TMEM100: variants seen among roughly 807,000 people sequenced by gnomAD.
The protein encoded by TMEM100 is transmembrane protein 100.
For synonymous variants in TMEM100, 61 were observed against 67.1 expected, an observed-to-expected ratio of 0.91 and a Z score of 0.44; for missense variants, 137 against 168.2, an observed-to-expected ratio of 0.81 and a Z score of 1.02.
At chr17:55,728,065 C>T (rs1909115490) in intron 1 of TMEM100, 1 of 152,194 alleles carries the variant, frequency 6.6e-6, no homozygotes, top group African/African-American at 2.4e-5. Flanking sequence ...AGAACCTGGG[C>T]TCCTTCCTTC....
chr17:55,720,983 C>G lies in TMEM100; in HGVS notation c.88G>C (p.Val30Leu). The change falls in exon 2 of 2, where the codon GTG becomes CTG. Residue 30 changes from valine (V) to leucine (L), a missense_variant. Coordinates refer to ENST00000424486, the MANE Select transcript of TMEM100 (RefSeq NM_018286.3). ...TMEKSPKSEV[V>L]ITTVPLVSEI... ...CTGACCAGAGGGACTGTGGTGATCACAACTTCACTCTTGGGGCTCTTCTCC... is the reference window on the plus strand; with the variant it reads ...CTGACCAGAGGGACTGTGGTGATCAGAACTTCACTCTTGGGGCTCTTCTCC... 1 of 1,614,210 alleles carries G rather than the reference C, an allele frequency of 6.2e-7. No individual in the cohort carries two copies. The highest frequency in any genetic ancestry group is 8.5e-7 in the Non-Finnish European group (1 of 1,180,048).
intron 1 of TMEM100, chr17:55,721,527 C>G (rs1489225301): frequency 6.4e-6 from 1 of 155,666 alleles, no homozygotes; most frequent in African/African-American, 2.4e-5. Context: ...AATCCCAGAA[C>G]TTACAGCAAC....
At chr17:55,731,070 C>G (rs1909194455) in intron 1 of TMEM100, among the ~76,000 whole-genome samples, 1 of 152,206 alleles carries the variant, frequency 6.6e-6, no homozygotes, top group Non-Finnish European at 1.5e-5. Flanking sequence ...TGAATTCCAG[C>G]TGTACATTTG....
Position 55,720,675 on chromosome 17 carries a change from C to G in TMEM100, c.396G>C (p.Leu132Phe), listed in dbSNP as rs773608196. The change falls in exon 2 of 2, where the codon TTG (leucine) becomes TTC (phenylalanine). Residue 132 changes from leucine (L) to phenylalanine (F), a missense_variant. Physicochemically the swap from Leu to Phe is conservative, Grantham distance 22. Coordinates refer to ENST00000424486, the MANE Select transcript of TMEM100 (RefSeq NM_018286.3). The stretch of plus-strand genomic sequence containing the variant: ...TTGGTCGTATTCAGTCTCAAGCAAA[C>G]AAGCTTCTCTGATTTGCCACGAGAG... ...QTALVANQRS[L>F]FA 1.9e-6 allele frequency: 3 copies of G among 1,604,510 alleles called. No homozygotes were observed. Among genetic ancestry groups the G allele is most frequent in the Non-Finnish European group, 1.7e-6 (2 of 1,176,036 alleles).
upstream of TMEM100, among the ~76,000 whole-genome samples, chr17:55,726,163 T>C (rs1254083279): frequency 1.1e-4 from 16 of 152,180 alleles, no homozygotes; most frequent in Admixed American, 1.0e-3. Context: ...TATGTTATAC[T>C]GAAAAATCAC....
chr17:55,730,911 A>G (rs1909190606), intron 1 of TMEM100, among the ~76,000 whole-genome samples: 1 of 152,194 alleles, frequency 6.6e-6, no homozygotes, highest in Non-Finnish European at 1.5e-5. Flanking sequence ...GTTTACTTAA[A>G]TAAACTATAC....
In TMEM100 at chr17:55,721,105, CT is replaced by C. The variant is rs752286152; in HGVS notation, c.-36del. 1.4e-4 allele frequency: 216 copies of C among 1,576,986 alleles called. 1 individual carries two copies. Among genetic ancestry groups the C allele is most frequent in the Middle Eastern group, 8.6e-4 (5 of 5,826 alleles). Reference sequence around the variant, plus strand: ...AGTGCTTCTAAGCTGGGTTTACAGACTAGATCTGGACAGTCTCACCAGGGTG... The same window carrying C: ...AGTGCTTCTAAGCTGGGTTTACAGACAGATCTGGACAGTCTCACCAGGGTG... On this transcript the variant is annotated 5_prime_UTR_variant, in exon 2 of 2. The change abolishes the stop of an existing upstream ORF in the 5' untranslated region. Transcript: ENST00000424486.
At chr17:55,729,463 G>A (rs77594473) in intron 1 of TMEM100, among the ~76,000 whole-genome samples, 8,846 of 152,236 alleles carry the variant, frequency 0.058, 624 homozygotes, top group East Asian at 0.27. Flanking sequence ...TTTTGTTAGC[G>A]TAGCTATTCA....
upstream of TMEM100, among the ~76,000 whole-genome samples, chr17:55,726,554 T>C (rs970130249): frequency 3.9e-5 from 6 of 152,208 alleles, no homozygotes; most frequent in Admixed American, 3.3e-4. Context: ...CTCGCCTGTC[T>C]TTATTTCCAA....
chr17:55,726,900 A>C (rs150088578), upstream of TMEM100, among the ~76,000 whole-genome samples: 20 of 152,270 alleles, frequency 1.3e-4, no homozygotes, highest in Admixed American at 4.6e-4. Context: ...TTAAATAGAG[A>C]GATCTGATAG....
At chr17:55,730,128 G>A (rs1003519447) in intron 1 of TMEM100, among the ~76,000 whole-genome samples, 1 of 152,170 alleles carries the variant, frequency 6.6e-6, no homozygotes, top group African/African-American at 2.4e-5. Context: ...AAGCCTTTAT[G>A]TTGAGGGGTT....
chr17:55,726,170 T>C (rs1486609129), upstream of TMEM100, among the ~76,000 whole-genome samples: 1 of 152,058 alleles, frequency 6.6e-6, no homozygotes, highest in Non-Finnish European at 1.5e-5. Context: ...TACTGAAAAA[T>C]CACACCTCCG....
At position 55,728,217 on chromosome 17, in the gene TMEM100, G is replaced by A. The variant is rs892738026; in HGVS notation, c.-358-235C>T. 2.0e-5 allele frequency among the ~76,000 whole-genome samples: 3 copies of A among 152,076 alleles called. No homozygotes were observed. The South Asian group carries it at 6.2e-4, about 32-fold the overall frequency. On this transcript the variant is annotated intron_variant, in intron 1 of 3. Coordinates refer to the TMEM100 transcript ENST00000575734. ...GTGGCAGAGCCAGGTTTCAAATCTA[G>A]GTACCTCTTTCTTCTTCTATGTTGT...
chr17:55,723,329 C>T (rs1233360808), upstream of TMEM100, among the ~76,000 whole-genome samples: 3 of 152,192 alleles, frequency 2.0e-5, no homozygotes, highest in East Asian at 1.9e-4. Flanking sequence ...TTTATATGTG[C>T]GTGATAGTCA....
At chr17:55,721,372 C>A (rs911337135) in intron 1 of TMEM100, 1 of 294,334 alleles carries the variant, frequency 3.4e-6, no homozygotes, top group African/African-American at 2.2e-5. Flanking sequence ...TTTAATATAC[C>A]CTGGCGGTCT....
At chr17:55,730,887 G>T (rs1909189317) in intron 1 of TMEM100, among the ~76,000 whole-genome samples, 1 of 152,160 alleles carries the variant, frequency 6.6e-6, no homozygotes, top group Non-Finnish European at 1.5e-5. Context: ...ACAGAACTTT[G>T]CTGTCTCCTT....
intron 1 of TMEM100, among the ~76,000 whole-genome samples, chr17:55,730,782 T>C (rs532726697): frequency 6.6e-6 from 1 of 152,234 alleles, no homozygotes; most frequent in Admixed American, 6.5e-5. Flanking sequence ...TAGAACTGTT[T>C]ATCTAATGAA....
intron 1 of TMEM100, among the ~76,000 whole-genome samples, chr17:55,730,844 A>T (rs996365728): frequency 6.6e-6 from 1 of 152,228 alleles, no homozygotes; most frequent in African/African-American, 2.4e-5. Context: ...CTTTCTTTAG[A>T]TAAAATTTTT....
chr17:55,721,705 A>C (rs1464924074), intron 1 of TMEM100: 1 of 152,274 alleles, frequency 6.6e-6, no homozygotes, highest in African/African-American at 2.4e-5. Context: ...ACACAGTGCA[A>C]CCTGCTCCCT....
Sources: allele counts gnomAD v4.1 joint callset (sites outside exome capture counted in the v4.1 genomes callset), GRCh38; gene constraint gnomAD v4.1.1; transcripts MANE v1.5; gene names NCBI Gene and HGNC (gene_info 2026-07-23, HGNC 2026-07-21).